The following ALK variants were observed in gnomAD, a reference collection of about 807,000 sequenced individuals.
The protein encoded by ALK is ALK tyrosine kinase receptor.
ALK carries 74 observed loss-of-function variants against 163.1 expected under a neutral mutation model. That is an observed-to-expected ratio of 0.45 (90% CI 0.38 to 0.55). ALK has a LOEUF of 0.55. Among genes scored for constraint, ALK ranks in the 20% least tolerant of loss-of-function variants. The probability of loss-of-function intolerance (pLI) is 0.00; values close to 1 mark genes in which losing one functional copy is unlikely to be tolerated. For missense variants in ALK, 2,063 were observed against 2,105.3 expected (o/e 0.98, Z 0.39); for synonymous variants, 960 against 843.2 (o/e 1.14, Z -2.40).
intron 1 of ALK, among the ~76,000 whole-genome samples, chr2:29,842,788 C>T (rs561934498): frequency 6.6e-6 from 1 of 152,122 alleles, no homozygotes; most frequent in South Asian, 2.1e-4. Flanking sequence ...GTACTGAGCT[C>T]CTGGGGCTGC....
intron 4 of ALK, among the ~76,000 whole-genome samples, chr2:29,452,618 C>G (rs1005828251): frequency 6.6e-6 from 1 of 152,140 alleles, no homozygotes; most frequent in African/African-American, 2.4e-5. Context: ...TATATAGTCT[C>G]AAAGTATCTC....
chr2:29,706,193 G>T (rs962426430), intron 2 of ALK, among the ~76,000 whole-genome samples: 4 of 152,176 alleles, frequency 2.6e-5, no homozygotes, highest in African/African-American at 9.7e-5. Context: ...AAGAATAATT[G>T]CCCCTTTGGG....
At chr2:29,499,126 A>T (rs1191761669) in intron 4 of ALK, among the ~76,000 whole-genome samples, 2 of 152,140 alleles carry the variant, frequency 1.3e-5, no homozygotes, top group Non-Finnish European at 2.9e-5. Context: ...CATTCCCAAG[A>T]TATACGTTCC....
At chr2:29,389,620 G>A (rs756551363) in intron 4 of ALK, among the ~76,000 whole-genome samples, 1 of 152,184 alleles carries the variant, frequency 6.6e-6, no homozygotes, top group Non-Finnish European at 1.5e-5. Flanking sequence ...TGTTGACTGA[G>A]AGGACAAATG....
At chr2:29,415,670 T>C (rs1180141149) in intron 4 of ALK, among the ~76,000 whole-genome samples, 1 of 152,198 alleles carries the variant, frequency 6.6e-6, no homozygotes, top group Non-Finnish European at 1.5e-5. Context: ...ATAAATATTA[T>C]TTCTGGGTAT....
At chr2:29,262,250 C>G (rs780712060) in intron 11 of ALK, among the ~76,000 whole-genome samples, 30 of 152,242 alleles carry the variant, frequency 2.0e-4, no homozygotes, top group Admixed American at 7.2e-4. Flanking sequence ...TTCCCTCTTT[C>G]TACAACACGA....
intron 1 of ALK, among the ~76,000 whole-genome samples, chr2:29,899,364 T>C (rs1285429334): frequency 2.6e-5 from 4 of 152,178 alleles, no homozygotes; most frequent in Non-Finnish European, 5.9e-5. Context: ...AGCAGCTGTG[T>C]GTGAAGGTGC....
chr2:29,390,764 CA>C (rs1400428368), intron 4 of ALK, among the ~76,000 whole-genome samples: 5 of 152,154 alleles, frequency 3.3e-5, no homozygotes, highest in South Asian at 2.1e-4. Context: ...TGGGAGATAG[CA>C]GGGGAAAAAT....
At chr2:29,557,211 A>T (rs1673886897) in intron 3 of ALK, among the ~76,000 whole-genome samples, 1 of 152,174 alleles carries the variant, frequency 6.6e-6, no homozygotes, top group Non-Finnish European at 1.5e-5. Context: ...ACTAAGCATC[A>T]CTCTGAAATT....
At chr2:29,375,319 T>G (rs1668729262) in intron 5 of ALK, among the ~76,000 whole-genome samples, 1 of 152,112 alleles carries the variant, frequency 6.6e-6, no homozygotes, top group African/African-American at 2.4e-5. Context: ...TTATTTTTAT[T>G]TTTATTTATT....
At chr2:29,527,750 A>G (rs1208126291) in intron 4 of ALK, among the ~76,000 whole-genome samples, 2 of 152,060 alleles carry the variant, frequency 1.3e-5, no homozygotes, top group Admixed American at 6.5e-5. Flanking sequence ...CCTGGCCCCA[A>G]GTGATCCTCC....
chr2:29,340,072 G>T (rs1667745202), intron 5 of ALK, among the ~76,000 whole-genome samples: 2 of 152,122 alleles, frequency 1.3e-5, no homozygotes, highest in South Asian at 2.1e-4. Context: ...TTGCTTTGCT[G>T]AAAACACACA....
chr2:29,575,105 T>A (rs188648176), intron 3 of ALK, among the ~76,000 whole-genome samples: 1 of 152,248 alleles, frequency 6.6e-6, no homozygotes, highest in East Asian at 1.9e-4. Flanking sequence ...CTGATGAACT[T>A]TGATTCATGA....
At chr2:29,776,295 A>C (rs10495771) in intron 1 of ALK, among the ~76,000 whole-genome samples, 109,344 of 122,402 alleles carry the variant, frequency 0.89, 49,832 homozygotes, top group Non-Finnish European at 0.98. Flanking sequence ...TAAACTGGCT[A>C]TTTAGGCATA....
intron 1 of ALK, among the ~76,000 whole-genome samples, chr2:29,795,624 T>C (rs1433697540): frequency 1.3e-5 from 2 of 152,166 alleles, no homozygotes; most frequent in African/African-American, 4.8e-5. Context: ...AAATATGGCA[T>C]GTCCAAAAGA....
intron 4 of ALK, among the ~76,000 whole-genome samples, chr2:29,508,776 C>A (rs917151822): frequency 2.7e-5 from 4 of 146,766 alleles, no homozygotes; most frequent in African/African-American, 5.1e-5. Flanking sequence ...AGACTTCCAG[C>A]CCATCCCTGA....
At chr2:29,735,458 G>A (rs1679864387) in intron 1 of ALK, among the ~76,000 whole-genome samples, 3 of 152,024 alleles carry the variant, frequency 2.0e-5, no homozygotes, top group South Asian at 4.1e-4. Flanking sequence ...GAAAATAATA[G>A]TAATAGTAGT....
intron 1 of ALK, among the ~76,000 whole-genome samples, chr2:29,831,339 C>T (rs1262661041): frequency 6.9e-6 from 1 of 144,214 alleles, no homozygotes; most frequent in Non-Finnish European, 1.6e-5. Flanking sequence ...AGTTCCAGGA[C>T]TTATCTCTGA....
At chr2:29,228,161 C>T (rs1434515706) in intron 16 of ALK, among the ~76,000 whole-genome samples, 9 of 152,228 alleles carry the variant, frequency 5.9e-5, no homozygotes, top group Non-Finnish European at 1.0e-4. Flanking sequence ...GGGCTCCCCC[C>T]TCGGGCTCCT....
Sources: gnomAD v4.1 joint callset for allele counts (sites outside exome capture counted in the v4.1 genomes callset) on GRCh38, gnomAD v4.1.1 for gene constraint, MANE v1.5 for transcripts, NCBI Gene and HGNC (gene_info 2026-07-23, HGNC 2026-07-21) for gene names.